The following RORA variants were observed in gnomAD, a reference collection of about 807,000 sequenced individuals.
RORA encodes the protein RAR related orphan receptor A, also known as nuclear receptor ROR-alpha.
In RORA, 7 loss-of-function variants were observed where a neutral mutation model predicts 69.5. The ratio of observed to expected loss-of-function variants is 0.10; its 90% CI spans 0.06 to 0.19. The LOEUF is 0.19. Ranked by LOEUF, RORA falls within the 10% of genes least tolerant of loss-of-function variation. The pLI is 1.00. For synonymous variants in RORA, 261 were observed against 240.8 expected (o/e 1.08, Z -0.78); for missense variants, 457 against 663.0 (o/e 0.69, Z 3.41).
chr15:61,115,802 TCCCAAAGGG>T (rs1295029024), intron 1 of RORA, among the ~76,000 whole-genome samples: 1 of 151,584 alleles, frequency 6.6e-6, no homozygotes, highest in Non-Finnish European at 1.5e-5. Context: ...TACAAGGAGG[TCCCAAAGGG>T]CCCAAAAGCC....
intron 1 of RORA, among the ~76,000 whole-genome samples, chr15:61,217,697 T>A (rs2080053389): frequency 6.6e-6 from 1 of 152,052 alleles, no homozygotes; most frequent in Non-Finnish European, 1.5e-5. Flanking sequence ...AAGTACTCAG[T>A]AAATATATGT....
At chr15:61,133,854 C>G (rs2079213688) in intron 1 of RORA, among the ~76,000 whole-genome samples, 2 of 152,198 alleles carry the variant, frequency 1.3e-5, no homozygotes, top group African/African-American at 4.8e-5. Context: ...ACTGCATCAT[C>G]AGGCTCAATG....
chr15:60,759,644 A>G (rs2071855696), intron 1 of RORA, among the ~76,000 whole-genome samples: 1 of 152,174 alleles, frequency 6.6e-6, no homozygotes, highest in African/African-American at 2.4e-5. Context: ...ATCTGCCTCT[A>G]ATGTAATCTG....
chr15:61,190,991 A>G (rs2079794064), intron 1 of RORA, among the ~76,000 whole-genome samples: 1 of 151,152 alleles, frequency 6.6e-6, no homozygotes, highest in South Asian at 2.1e-4. Context: ...TTAGCCTTTC[A>G]GCTGAGAGGA....
chr15:61,089,174 A>G (rs1242211373), intron 1 of RORA, among the ~76,000 whole-genome samples: 3 of 152,222 alleles, frequency 2.0e-5, no homozygotes, highest in Non-Finnish European at 2.9e-5. Context: ...AAAAGGAATG[A>G]ATTTTCTGTT....
At chr15:60,705,364 T>A (rs929915891) in intron 1 of RORA, among the ~76,000 whole-genome samples, 6 of 152,184 alleles carry the variant, frequency 3.9e-5, no homozygotes, top group Admixed American at 3.9e-4. Flanking sequence ...GGATTTAAAA[T>A]TTTCCACTCA....
intron 1 of RORA, among the ~76,000 whole-genome samples, chr15:60,816,203 T>C (rs1198906095): frequency 3.5e-3 from 1 of 282 alleles, no homozygotes; most frequent in African/African-American, 0.016. Flanking sequence ...GTAAACAGTA[T>C]ATGTATTTAT....
chr15:60,896,609 A>C (rs1032788983), intron 1 of RORA, among the ~76,000 whole-genome samples: 1 of 152,200 alleles, frequency 6.6e-6, no homozygotes, highest in Admixed American at 6.5e-5. Context: ...CCTTATACCC[A>C]AAATTTCACC....
chr15:60,906,584 T>C (rs28517778), intron 1 of RORA, among the ~76,000 whole-genome samples: 1 of 152,240 alleles, frequency 6.6e-6, no homozygotes, highest in Non-Finnish European at 1.5e-5. Context: ...TGCAGCTTAA[T>C]GCCCTCTGTG....
intron 3 of RORA, among the ~76,000 whole-genome samples, chr15:60,517,631 T>C (rs781144478): frequency 6.6e-6 from 1 of 152,210 alleles, no homozygotes; most frequent in Non-Finnish European, 1.5e-5. Flanking sequence ...GTCAGCTGTC[T>C]AGGTATTCAT....
At chr15:60,813,562 C>T (rs559672755) in intron 1 of RORA, among the ~76,000 whole-genome samples, 1 of 152,126 alleles carries the variant, frequency 6.6e-6, no homozygotes, top group African/African-American at 2.4e-5. Context: ...CAAAATGAGC[C>T]CCACTTAATT....
intron 1 of RORA, among the ~76,000 whole-genome samples, chr15:60,879,326 G>C (rs530715879): frequency 1.2e-3 from 185 of 151,680 alleles, no homozygotes; most frequent in African/African-American, 4.3e-3. Context: ...CCAAACCTCA[G>C]TTTGTTCATC....
At chr15:60,650,353 T>G (rs1021721653) in intron 2 of RORA, among the ~76,000 whole-genome samples, 3 of 152,192 alleles carry the variant, frequency 2.0e-5, no homozygotes, top group African/African-American at 4.8e-5. Context: ...CTATTTACGC[T>G]GCTGGCTTTT....
intron 1 of RORA, among the ~76,000 whole-genome samples, chr15:60,884,931 G>A (rs2073735092): frequency 6.6e-6 from 1 of 152,200 alleles, no homozygotes; most frequent in South Asian, 2.1e-4. Flanking sequence ...AGAGGAAGGT[G>A]GGAGTCACTG....
chr15:61,033,173 A>G (rs1363083778), intron 1 of RORA, among the ~76,000 whole-genome samples: 1 of 152,166 alleles, frequency 6.6e-6, no homozygotes, highest in Admixed American at 6.5e-5. Flanking sequence ...AGCTTGGAAC[A>G]AATTTAGGCT....
chr15:61,169,970 C>T (rs1202923487), intron 1 of RORA, among the ~76,000 whole-genome samples: 1 of 152,150 alleles, frequency 6.6e-6, no homozygotes, highest in African/African-American at 2.4e-5. Flanking sequence ...CTCCCAGAGG[C>T]ACCGTGTCCA....
intron 1 of RORA, among the ~76,000 whole-genome samples, chr15:60,773,606 T>C (rs2072111815): frequency 6.6e-6 from 1 of 152,162 alleles, no homozygotes; most frequent in Non-Finnish European, 1.5e-5. Flanking sequence ...AAAGAGAGAA[T>C]TGAAAGCAAG....
intron 4 of RORA, among the ~76,000 whole-genome samples, chr15:60,512,997 T>G (rs913341719): frequency 3.3e-5 from 5 of 152,196 alleles, no homozygotes; most frequent in Non-Finnish European, 7.3e-5. Flanking sequence ...GGTGGATGCA[T>G]TCACCCATTT....
At chr15:60,507,744 G>A (rs1024316173) in intron 5 of RORA, among the ~76,000 whole-genome samples, 3 of 152,090 alleles carry the variant, frequency 2.0e-5, no homozygotes, top group African/African-American at 7.2e-5. Flanking sequence ...AATTTTTGCC[G>A]ATAAAAAAAT....
Sources: gnomAD v4.1 joint callset for allele counts (sites outside exome capture counted in the v4.1 genomes callset) on GRCh38, gnomAD v4.1.1 for gene constraint, MANE v1.5 for transcripts, NCBI Gene and HGNC (gene_info 2026-07-23, HGNC 2026-07-21) for gene names.